LRRK2: variants seen among roughly 807,000 people sequenced by gnomAD.
LRRK2 encodes leucine rich repeat kinase 2, also known as leucine-rich repeat serine/threonine-protein kinase 2.
In LRRK2, 203 loss-of-function variants were observed where a neutral mutation model predicts 302.6. That is an observed-to-expected ratio of 0.67 (90% CI 0.60 to 0.75). LRRK2 has a LOEUF of 0.75. LRRK2 is among the 30% of genes least tolerant of loss of function. The pLI is 0.00. For synonymous variants in LRRK2, 1,066 were observed against 1,031.9 expected, an observed-to-expected ratio of 1.03 and a Z score of -0.63; for missense variants, 2,830 against 2,951.0, an observed-to-expected ratio of 0.96 and a Z score of 0.95.
intron 23 of LRRK2, among the ~76,000 whole-genome samples, chr12:40,296,841 C>G (rs1944404202): frequency 6.6e-6 from 1 of 152,058 alleles, no homozygotes; most frequent in Admixed American, 6.6e-5. Flanking sequence ...TAAAATGTGT[C>G]TTTCTCTCTT....
chr12:40,225,477 C>T, intron 1 of LRRK2, 78 bp from the exon 2 acceptor site: 1 of 1,386,272 alleles, frequency 7.2e-7, no homozygotes. Context: ...TGACTTTTCT[C>T]CCCGTTTCAG....
chr12:40,252,745 C>T (rs1055187809), intron 10 of LRRK2, among the ~76,000 whole-genome samples, 165 bp from the exon 11 acceptor site: 3 of 151,996 alleles, frequency 2.0e-5, no homozygotes, highest in South Asian at 2.1e-4. Flanking sequence ...TTAATTAATT[C>T]GAGTCTTAAA....
At position 40,367,767 on chromosome 12, in the gene LRRK2, A is replaced by G. The variant is rs779333957; in HGVS notation, c.*2A>G. On this transcript the variant is annotated 3_prime_UTR_variant, in exon 51 of 51. Coordinates refer to ENST00000298910, the MANE Select transcript of LRRK2 (RefSeq NM_198578.4). ...ATGAGACGAACATCTGTTGAGTAAG[A>G]GAGAAATAGGAATTGTCTTTGGATA... The G allele has an allele frequency of 6.2e-7, 1 of 1,603,934 alleles. No homozygotes were observed. The highest frequency in any genetic ancestry group is 1.1e-5 in the South Asian group (1 of 89,886).
intron 11 of LRRK2, 131 bp from the exon 12 acceptor site, chr12:40,257,117 T>A: frequency 1.4e-6 from 1 of 689,802 alleles, no homozygotes; most frequent in African/African-American, 1.8e-5. Flanking sequence ...AAGCTGTCAA[T>A]GAACTATAAA....
At chr12:40,342,101 T>G (rs1946062280) in intron 41 of LRRK2, among the ~76,000 whole-genome samples, 1 of 152,144 alleles carries the variant, frequency 6.6e-6, no homozygotes, top group Non-Finnish European at 1.5e-5. Flanking sequence ...GTTCATGGGG[T>G]GAAAATCTGT....
chr12:40,357,426 T>C (rs1376314042), intron 46 of LRRK2, among the ~76,000 whole-genome samples: 1 of 152,226 alleles, frequency 6.6e-6, no homozygotes, highest in Non-Finnish European at 1.5e-5. Context: ...ATCCCTTTGA[T>C]ATACTGATTC....
chr12:40,362,603 T>C (rs1056233648), intron 47 of LRRK2, among the ~76,000 whole-genome samples: 40 of 152,028 alleles, frequency 2.6e-4, no homozygotes, highest in African/African-American at 9.7e-4. Context: ...AATATGACAG[T>C]GACACCAGTG....
At chr12:40,341,577 G>A (rs966511631) in intron 41 of LRRK2, among the ~76,000 whole-genome samples, 7 of 152,104 alleles carry the variant, frequency 4.6e-5, no homozygotes, top group African/African-American at 1.7e-4. Flanking sequence ...CATTTTTTGA[G>A]TACCTGCTGT....
In LRRK2 at chr12:40,252,950, C is replaced by T. The variant is rs2136485747; in HGVS notation, c.1222C>T (p.His408Tyr). ...GGAAGTGATGCTCTCCATGCTGATG[C>T]ATTCTTCATCAAAGGAAGTTTTCCA... Reference protein sequence around the residue: ...HREVMLSMLMHSSSKEVFQAS... With the variant: ...HREVMLSMLMYSSSKEVFQAS... Residue 408 changes from histidine (H) to tyrosine (Y), a missense_variant, in exon 11 of 51, where the codon CAT becomes TAT. By Grantham distance (83) the His-to-Tyr change is moderately conservative. Transcript: ENST00000298910. 1 of 1,613,316 alleles carries T rather than the reference C, an allele frequency of 6.2e-7. No individual in the cohort carries two copies. Among genetic ancestry groups the T allele is most frequent in the East Asian group, 2.2e-5 (1 of 44,770 alleles).
intron 14 of LRRK2, among the ~76,000 whole-genome samples, chr12:40,268,642 A>G (rs1943116579): frequency 6.6e-6 from 1 of 152,158 alleles, no homozygotes; most frequent in Non-Finnish European, 1.5e-5. Context: ...TAAGTAAGCT[A>G]GTGTAAAATT....
chr12:40,262,835 T>C (rs2136536612), intron 13 of LRRK2, among the ~76,000 whole-genome samples: 1 of 152,296 alleles, frequency 6.6e-6, no homozygotes, highest in Non-Finnish European at 1.5e-5. Context: ...TCTTGCTCAC[T>C]GGAAATGATA....
At chr12:40,297,416 T>C (rs910321674) in intron 23 of LRRK2, among the ~76,000 whole-genome samples, 8 of 152,184 alleles carry the variant, frequency 5.3e-5, no homozygotes, top group African/African-American at 1.4e-4. Flanking sequence ...TCTATGTTCC[T>C]TTTATAGGAA....
intron 32 of LRRK2, among the ~76,000 whole-genome samples, chr12:40,314,674 A>C (rs910286790): frequency 9.9e-5 from 15 of 152,040 alleles, no homozygotes; most frequent in African/African-American, 3.6e-4. Context: ...GAAAATTCTC[A>C]AAGCAACTTC....
chr12:40,332,584 T>A (rs1293957928), intron 39 of LRRK2, among the ~76,000 whole-genome samples: 8 of 152,198 alleles, frequency 5.3e-5, no homozygotes, highest in Non-Finnish European at 1.2e-4. Context: ...TACATAGTTA[T>A]AATATTTTAA....
intron 16 of LRRK2, 77 bp from the exon 17 acceptor site, chr12:40,277,811 A>G (rs1943522893): frequency 4.4e-6 from 6 of 1,348,898 alleles, no homozygotes; most frequent in Non-Finnish European, 5.1e-6. Context: ...TTCATATACA[A>G]ACTCTCTCTG....
chr12:40,288,444 T>C (rs1245524891), intron 20 of LRRK2, among the ~76,000 whole-genome samples: 1 of 151,786 alleles, frequency 6.6e-6, no homozygotes, highest in East Asian at 1.9e-4. Flanking sequence ...CCCTTAGCAA[T>C]CATTTGCTTC....
Position 40,295,553 on chromosome 12 carries a change from A to G in LRRK2, c.3005A>G (p.Gln1002Arg). Residue 1002 changes from glutamine (Q) to arginine (R), a missense_variant, in exon 23 of 51, where the codon CAG (glutamine) becomes CGG (arginine). Physicochemically the swap from Gln to Arg is conservative, Grantham distance 43 (BLOSUM62 1). Coordinates refer to ENST00000298910, the MANE Select transcript of LRRK2 (RefSeq NM_198578.4). The part of the protein sequence containing the change: ...NELRDIDALS[Q>R]KCCISVHLEH... The stretch of plus-strand genomic sequence containing the variant: ...CTAAGAGATATTGATGCCCTAAGCC[A>G]GAAATGCTGTATAAGTGTTCATTTG... The G allele has an allele frequency of 1.2e-6, 2 of 1,614,062 alleles. No individual in the cohort carries two copies. Among genetic ancestry groups the G allele is most frequent in the Non-Finnish European group, 1.7e-6 (2 of 1,180,008 alleles).
chr12:40,354,619 T>A, intron 45 of LRRK2, 127 bp downstream of exon 45: 1 of 855,334 alleles, frequency 1.2e-6, no homozygotes, highest in Non-Finnish European at 1.9e-6. Context: ...TTGCATATAT[T>A]AAAGGGAATT....
At position 40,257,294 on chromosome 12, in the gene LRRK2, T is replaced by G. The variant is rs753384224; in HGVS notation, c.1335T>G (p.Val445=). ...TATCAAAAGGAATACACCTGAATGT[T>G]TTGGAGTTAATGCAGAAGCATATAC... is the stretch of plus-strand genomic sequence containing the variant. ...ILLSKGIHLN[V]LELMQKHIHS... is the part of the protein sequence containing the mutation. Residue 445 remains valine (V), a synonymous_variant, in exon 12 of 51, where the codon GTT becomes GTG. Transcript: ENST00000298910. The G allele has an allele frequency of 6.2e-7, 1 of 1,600,860 alleles. No homozygotes were observed. The highest frequency in any genetic ancestry group is 1.1e-5 in the South Asian group (1 of 90,820).
Sources: gnomAD v4.1 joint callset for allele counts (sites outside exome capture counted in the v4.1 genomes callset) on GRCh38, gnomAD v4.1.1 for gene constraint, MANE v1.5 for transcripts, NCBI Gene and HGNC (gene_info 2026-07-23, HGNC 2026-07-21) for gene names.